EXOC4: variants seen among roughly 807,000 people sequenced by gnomAD.
EXOC4 encodes SEC8-like 1.
Under a neutral mutation model 107.2 loss-of-function variants are expected in EXOC4, and 71 were observed. The observed-to-expected ratio is 0.66, with a 90% confidence interval of 0.55 to 0.81. The LOEUF (loss-of-function observed/expected upper bound fraction) is 0.81, where lower values mean the gene tolerates loss of function less well. Among genes scored for constraint, EXOC4 ranks in the 30% least tolerant of loss-of-function variants. The pLI is 0.00. For synonymous variants in EXOC4, 456 were observed against 441.2 expected (o/e 1.03, Z -0.42); for missense variants, 1,108 against 1,189.6 (o/e 0.93, Z 1.01).
At chr7:133,939,382 C>G (rs781606038) in intron 14 of EXOC4, among the ~76,000 whole-genome samples, 3 of 152,178 alleles carry the variant, frequency 2.0e-5, no homozygotes, top group Non-Finnish European at 4.4e-5. Context: ...TGGCCTCATG[C>G]TGATTCTCTG....
rs574791985 is a variant in EXOC4, at chr7:134,027,041, A to AG, written c.2687+19214dup. ...TGACAAATGGGTGTTTTAGTGATTA[A>AG]GGGGGGGGATTCACACAAAAATAAA... On this transcript the variant is annotated intron_variant, in intron 17 of 17. Coordinates refer to ENST00000253861, the MANE Select transcript of EXOC4 (RefSeq NM_021807.4). 1.8e-3 allele frequency among the ~76,000 whole-genome samples: 280 copies of AG among 151,916 alleles called. 5 individuals are homozygous for AG. The East Asian group carries it at 0.042, about 23-fold the overall frequency.
At chr7:133,743,713 T>C (rs1795616376) in intron 10 of EXOC4, among the ~76,000 whole-genome samples, 1 of 152,190 alleles carries the variant, frequency 6.6e-6, no homozygotes, top group Non-Finnish European at 1.5e-5. Context: ...ATGGACATAA[T>C]TGCTAGAGAT....
chr7:133,270,770 G>A (rs553688714), intron 1 of EXOC4, among the ~76,000 whole-genome samples: 1 of 152,316 alleles, frequency 6.6e-6, no homozygotes, highest in African/African-American at 2.4e-5. Context: ...GACCTGGCTG[G>A]TGGGGTGAGC....
chr7:133,369,367 C>T (rs1796314068), intron 6 of EXOC4, among the ~76,000 whole-genome samples: 1 of 152,126 alleles, frequency 6.6e-6, no homozygotes, highest in Admixed American at 6.5e-5. Context: ...CCTTATTAGT[C>T]ATTCACTGCT....
chr7:133,288,331 C>T (rs1794328264), intron 2 of EXOC4, among the ~76,000 whole-genome samples: 1 of 152,140 alleles, frequency 6.6e-6, no homozygotes, highest in Non-Finnish European at 1.5e-5. Flanking sequence ...TGGAGATTGT[C>T]TTATTTAATA....
chr7:133,339,760 A>G (rs1259441992), intron 5 of EXOC4, among the ~76,000 whole-genome samples: 1 of 151,720 alleles, frequency 6.6e-6, no homozygotes, highest in Non-Finnish European at 1.5e-5. Context: ...ATTTTATTTT[A>G]TTTTTGCAGT....
chr7:133,523,663 G>A (rs7802369), intron 9 of EXOC4, among the ~76,000 whole-genome samples: 150,866 of 151,296 alleles, frequency 1, 75,225 homozygotes, highest in Middle Eastern at 1. Flanking sequence ...TCATTGTTCA[G>A]TTCCCACCTA....
chr7:133,809,191 A>T (rs1049570620), intron 10 of EXOC4, among the ~76,000 whole-genome samples: 1 of 152,214 alleles, frequency 6.6e-6, no homozygotes, highest in Non-Finnish European at 1.5e-5. Context: ...TCTGATGCAG[A>T]TCTGTGGCTT....
At chr7:133,845,608 A>G (rs1033662386) in intron 11 of EXOC4, among the ~76,000 whole-genome samples, 1 of 151,574 alleles carries the variant, frequency 6.6e-6, no homozygotes, top group Non-Finnish European at 1.5e-5. Context: ...ACATATGCCT[A>G]CTCTCTAGCA....
intron 10 of EXOC4, among the ~76,000 whole-genome samples, chr7:133,793,836 C>G (rs1796755497): frequency 7.7e-6 from 1 of 130,370 alleles, no homozygotes; most frequent in South Asian, 2.8e-4. Flanking sequence ...GAGGGAGACT[C>G]TGTCACACAC....
At position 133,558,786 on chromosome 7, in the gene EXOC4, A is replaced by G. The variant is rs62469989; in HGVS notation, c.1418-71259A>G. Among the ~76,000 whole-genome samples, 842 of 152,276 alleles carry G rather than the reference A, an allele frequency of 5.5e-3. 5 individuals are homozygous for G. The highest frequency in any genetic ancestry group is 7.6e-3 in the Non-Finnish European group (519 of 68,022). On this transcript the variant is annotated intron_variant, in intron 9 of 17. Transcript: ENST00000253861. ...GTTAACACTTCAAATCATTTAATAC[A>G]CTTTCATTTGCTCAGAAGAGAAATG...
intron 11 of EXOC4, among the ~76,000 whole-genome samples, chr7:133,886,721 T>G (rs1799094705): frequency 1.3e-5 from 2 of 152,188 alleles, no homozygotes; most frequent in Non-Finnish European, 2.9e-5. Flanking sequence ...TAGTCAACAT[T>G]AGCAAATCTC....
chr7:133,906,156 T>A (rs1799561485), intron 12 of EXOC4, among the ~76,000 whole-genome samples: 1 of 152,196 alleles, frequency 6.6e-6, no homozygotes, highest in South Asian at 2.1e-4. Context: ...GGCCCCACTG[T>A]GCTAAATAGC....
At chr7:133,525,919 A>C (rs754571798) in intron 9 of EXOC4, among the ~76,000 whole-genome samples, 1 of 152,142 alleles carries the variant, frequency 6.6e-6, no homozygotes, top group Non-Finnish European at 1.5e-5. Context: ...AATTCTTTCC[A>C]TGGATTCCAG....
At chr7:133,991,272 TG>T (rs1440585373) in intron 14 of EXOC4, among the ~76,000 whole-genome samples, 1 of 152,174 alleles carries the variant, frequency 6.6e-6, no homozygotes, top group African/African-American at 2.4e-5. Flanking sequence ...GATTATTTGT[TG>T]TTTTTTTTGT....
chr7:133,948,888 ATTACGAG>A (rs1800620618), intron 14 of EXOC4, among the ~76,000 whole-genome samples: 1 of 152,174 alleles, frequency 6.6e-6, no homozygotes, highest in South Asian at 2.1e-4. Context: ...ATAATCACCT[ATTACGAG>A]TTACGAGTGA....
chr7:133,603,023 C>T (rs558552208), intron 9 of EXOC4, among the ~76,000 whole-genome samples: 10 of 152,230 alleles, frequency 6.6e-5, no homozygotes, highest in African/African-American at 2.2e-4. Flanking sequence ...ATGATATGCT[C>T]TTTTCCACAT....
chr7:133,677,073 C>T (rs1042075201), intron 10 of EXOC4, among the ~76,000 whole-genome samples: 7 of 151,596 alleles, frequency 4.6e-5, no homozygotes, highest in Non-Finnish European at 1.0e-4. Flanking sequence ...CTGTCTTATC[C>T]TTACAAGGTA....
At chr7:133,468,632 G>A (rs553025999) in intron 7 of EXOC4, among the ~76,000 whole-genome samples, 1 of 151,934 alleles carries the variant, frequency 6.6e-6, no homozygotes, top group Non-Finnish European at 1.5e-5. Flanking sequence ...ATCCTCCATT[G>A]GGTAAGACTA....
Sources: gnomAD v4.1 joint callset for allele counts (sites outside exome capture counted in the v4.1 genomes callset) on GRCh38, gnomAD v4.1.1 for gene constraint, MANE v1.5 for transcripts, NCBI Gene and HGNC (gene_info 2026-07-23, HGNC 2026-07-21) for gene names.